GTF2F2: variants seen among roughly 807,000 people sequenced by gnomAD.
The protein encoded by GTF2F2 is general transcription factor IIF subunit 2.
In GTF2F2, 23 loss-of-function variants were observed where a neutral mutation model predicts 42.2. The ratio of observed to expected loss-of-function variants is 0.55; its 90% CI spans 0.39 to 0.77. The LOEUF (loss-of-function observed/expected upper bound fraction) is 0.77, where lower values mean the gene tolerates loss of function less well. Ranked by LOEUF, GTF2F2 falls within the 30% of genes least tolerant of loss-of-function variation. The pLI is 0.00. For synonymous variants in GTF2F2, 105 were observed against 100.8 expected, an observed-to-expected ratio of 1.04 and a Z score of -0.25; for missense variants, 261 against 287.2, an observed-to-expected ratio of 0.91 and a Z score of 0.66.
chr13:45,144,922 G>A (rs1566113217), intron 2 of GTF2F2, among the ~76,000 whole-genome samples: 1 of 152,136 alleles, frequency 6.6e-6, no homozygotes, highest in Admixed American at 6.6e-5. Context: ...ATATGTGTGT[G>A]TATATAACTT....
chr13:45,180,977 A>G (rs1247242725), intron 4 of GTF2F2, among the ~76,000 whole-genome samples: 1 of 151,338 alleles, frequency 6.6e-6, no homozygotes, highest in Non-Finnish European at 1.5e-5. Context: ...GCCTGCCAGC[A>G]CAGTGAAACC....
Position 45,196,019 on chromosome 13 carries a change from T to A in GTF2F2, c.305-11405T>A, listed in dbSNP as rs1176866316. Among the ~76,000 whole-genome samples the A allele has an allele frequency of 2.0e-5, 3 of 152,316 alleles. No homozygotes were observed. In the East Asian group the frequency reaches 5.8e-4, roughly 29 times the overall value. The stretch of plus-strand genomic sequence containing the variant: ...GCATTAAAAGTATTTTAAAATTATT[T>A]AACTGTATGTTGACATAGGAATATT... On this transcript the variant is annotated intron_variant, in intron 4 of 7. Transcript: ENST00000340473.
chr13:45,177,809 G>A (rs144902731), intron 4 of GTF2F2, among the ~76,000 whole-genome samples: 147 of 152,244 alleles, frequency 9.7e-4, no homozygotes, highest in African/African-American at 3.4e-3. Flanking sequence ...TTGTGAAGAA[G>A]GAAAAAGTCC....
chr13:45,155,723 C>T (rs1870724793), intron 4 of GTF2F2, among the ~76,000 whole-genome samples: 1 of 152,080 alleles, frequency 6.6e-6, no homozygotes, highest in African/African-American at 2.4e-5. Context: ...GTTACCCTTT[C>T]TTCCACTTCT....
intron 5 of GTF2F2, among the ~76,000 whole-genome samples, chr13:45,225,983 T>C (rs1471787788): frequency 1.3e-5 from 2 of 152,148 alleles, no homozygotes; most frequent in Non-Finnish European, 2.9e-5. Context: ...GCAGATTCTG[T>C]TGGAATTAGG....
chr13:45,130,433 C>T (rs952470772), intron 1 of GTF2F2, among the ~76,000 whole-genome samples: 3 of 152,182 alleles, frequency 2.0e-5, no homozygotes, highest in African/African-American at 7.2e-5. Context: ...AGAACAGTAT[C>T]ATCTGACTTA....
At chr13:45,168,946 C>A (rs1313816693) in intron 4 of GTF2F2, among the ~76,000 whole-genome samples, 1 of 129,366 alleles carries the variant, frequency 7.7e-6, no homozygotes, top group African/African-American at 2.9e-5. Flanking sequence ...CTCCTTCCTT[C>A]TTTCCCTCTT....
At chr13:45,138,024 C>T (rs538388578) in intron 2 of GTF2F2, among the ~76,000 whole-genome samples, 1 of 152,170 alleles carries the variant, frequency 6.6e-6, no homozygotes. Context: ...CAACTAGCAG[C>T]TCTCTTACTT....
intron 5 of GTF2F2, among the ~76,000 whole-genome samples, chr13:45,230,710 G>C (rs1406135198): frequency 1.3e-5 from 2 of 152,208 alleles, no homozygotes; most frequent in East Asian, 3.8e-4. Flanking sequence ...TACATGTCAT[G>C]TAATTATAAC....
chr13:45,217,165 G>T (rs962769115), intron 5 of GTF2F2, among the ~76,000 whole-genome samples: 1 of 151,928 alleles, frequency 6.6e-6, no homozygotes, highest in African/African-American at 2.4e-5. Flanking sequence ...TGGGCATGGT[G>T]GTGGCCACCT....
intron 6 of GTF2F2, among the ~76,000 whole-genome samples, chr13:45,255,890 AG>A (rs1876083934): frequency 6.6e-6 from 1 of 152,180 alleles, no homozygotes; most frequent in South Asian, 2.1e-4. Flanking sequence ...TTACCTTTCT[AG>A]AGGGAAGTTT....
chr13:45,281,721 T>C (rs1401265414), intron 7 of GTF2F2, among the ~76,000 whole-genome samples: 1 of 152,234 alleles, frequency 6.6e-6, no homozygotes, highest in African/African-American at 2.4e-5. Context: ...CTACCTTAAA[T>C]ATACAGACAA....
intron 4 of GTF2F2, among the ~76,000 whole-genome samples, chr13:45,204,346 C>G (rs150567569): frequency 6.6e-6 from 1 of 152,262 alleles, no homozygotes; most frequent in African/African-American, 2.4e-5. Flanking sequence ...TCCTGATGTG[C>G]TCTTGCATTG....
intron 5 of GTF2F2, among the ~76,000 whole-genome samples, chr13:45,239,412 C>G (rs965030996): frequency 6.6e-5 from 10 of 152,122 alleles, no homozygotes; most frequent in African/African-American, 2.2e-4. Flanking sequence ...TATACTCTTC[C>G]TAAAGAAGTG....
intron 4 of GTF2F2, among the ~76,000 whole-genome samples, chr13:45,198,874 T>C (rs1415675286): frequency 1.3e-5 from 2 of 152,166 alleles, no homozygotes; most frequent in Non-Finnish European, 2.9e-5. Context: ...GCTTCTTTTG[T>C]GTGTTAAAAA....
At chr13:45,151,994 C>A (rs1870524771) in intron 4 of GTF2F2, among the ~76,000 whole-genome samples, 163 bp downstream of exon 4, 1 of 149,450 alleles carries the variant, frequency 6.7e-6, no homozygotes, top group Non-Finnish European at 1.5e-5. Flanking sequence ...TGGCTCACTG[C>A]AACCTCCATC....
intron 7 of GTF2F2, among the ~76,000 whole-genome samples, chr13:45,281,595 G>T (rs1449805093): frequency 6.6e-6 from 1 of 152,222 alleles, no homozygotes; most frequent in Non-Finnish European, 1.5e-5. Context: ...TTAAAATGCA[G>T]ATTCCTGGGC....
At chr13:45,223,267 A>T (rs1267164129) in intron 5 of GTF2F2, among the ~76,000 whole-genome samples, 2 of 122,966 alleles carry the variant, frequency 1.6e-5, no homozygotes, top group Admixed American at 7.3e-5. Flanking sequence ...CTCAATAAAA[A>T]AAAAAAAAAA....
At chr13:45,281,802 G>A (rs1877272646) in intron 7 of GTF2F2, among the ~76,000 whole-genome samples, 2 of 152,168 alleles carry the variant, frequency 1.3e-5, no homozygotes, top group Admixed American at 6.5e-5. Context: ...TTCCATCAAT[G>A]GGATGAGTCA....
Sources: allele counts gnomAD v4.1 joint callset (sites outside exome capture counted in the v4.1 genomes callset), GRCh38; gene constraint gnomAD v4.1.1; transcripts MANE v1.5; gene names NCBI Gene and HGNC (gene_info 2026-07-23, HGNC 2026-07-21).